ANKS1B: variants seen among roughly 807,000 people sequenced by gnomAD.
ANKS1B encodes the protein ankyrin repeat and sterile alpha motif domain containing 1B, also known as ankyrin repeat and sterile alpha motif domain-containing protein 1B.
Under a neutral mutation model 148.3 loss-of-function variants are expected in ANKS1B, and 36 were observed. The ratio of observed to expected loss-of-function variants is 0.24; its 90% confidence interval spans 0.19 to 0.32. The LOEUF is 0.32. Among genes scored for constraint, ANKS1B ranks in the 10% least tolerant of loss-of-function variants. ANKS1B has a pLI of 1.00. For missense variants in ANKS1B, 1,157 were observed against 1,542.6 expected (o/e 0.75, Z 4.19); for synonymous variants, 542 against 560.8 (o/e 0.97, Z 0.47).
At chr12:99,166,429 T>C (rs1411906620) in intron 14 of ANKS1B, among the ~76,000 whole-genome samples, 1 of 151,828 alleles carries the variant, frequency 6.6e-6, no homozygotes, top group African/African-American at 2.4e-5. Context: ...TTAGCAGAGT[T>C]GCAGGATATA....
intron 9 of ANKS1B, among the ~76,000 whole-genome samples, chr12:99,593,101 G>A (rs988604374): frequency 1.3e-5 from 2 of 152,044 alleles, no homozygotes; most frequent in Non-Finnish European, 2.9e-5. Context: ...TAAAGAGTCT[G>A]TTCTATCAGT....
intron 1 of ANKS1B, among the ~76,000 whole-genome samples, chr12:99,851,330 C>A (rs1414049509): frequency 1.3e-5 from 2 of 152,028 alleles, no homozygotes; most frequent in African/African-American, 4.8e-5. Context: ...CTCCCTCATT[C>A]CCTCCAGTTC....
At chr12:98,840,407 G>A (rs1238114773) in intron 17 of ANKS1B, among the ~76,000 whole-genome samples, 2 of 152,082 alleles carry the variant, frequency 1.3e-5, no homozygotes, top group African/African-American at 2.4e-5. Context: ...AGATGCCACC[G>A]AAATACAACT....
At chr12:98,861,436 G>T (rs2099598795) in intron 17 of ANKS1B, among the ~76,000 whole-genome samples, 1 of 152,178 alleles carries the variant, frequency 6.6e-6, no homozygotes, top group African/African-American at 2.4e-5. Context: ...GCTCCAGATG[G>T]CTCTCCTACT....
intron 17 of ANKS1B, among the ~76,000 whole-genome samples, chr12:98,946,133 C>T (rs1054990166): frequency 6.6e-6 from 1 of 152,280 alleles, no homozygotes; most frequent in East Asian, 1.9e-4. Flanking sequence ...TGGGTTGATT[C>T]GATGCTAGCA....
intron 10 of ANKS1B, among the ~76,000 whole-genome samples, chr12:99,499,955 C>A (rs1485735091): frequency 1.3e-5 from 2 of 150,898 alleles, no homozygotes; most frequent in African/African-American, 4.9e-5. Context: ...CTGGAAGAGC[C>A]CCAAAGCCAG....
chr12:98,928,307 A>G (rs2099810579), intron 17 of ANKS1B, among the ~76,000 whole-genome samples: 1 of 151,658 alleles, frequency 6.6e-6, no homozygotes, highest in Admixed American at 6.6e-5. Flanking sequence ...AAAACTTCCC[A>G]CAAAGAGAAG....
At chr12:98,789,709 G>A (rs1331932111) in intron 22 of ANKS1B, among the ~76,000 whole-genome samples, 1 of 152,110 alleles carries the variant, frequency 6.6e-6, no homozygotes, top group Admixed American at 6.6e-5. Flanking sequence ...CATTTGAAAA[G>A]AATTGGAAAT....
At chr12:99,239,848 T>C (rs2088886552) in intron 14 of ANKS1B, among the ~76,000 whole-genome samples, 1 of 152,068 alleles carries the variant, frequency 6.6e-6, no homozygotes, top group Admixed American at 6.6e-5. Flanking sequence ...AATAAAATCC[T>C]TTACAGACAA....
chr12:99,441,119 T>C (rs1257368293), intron 11 of ANKS1B, among the ~76,000 whole-genome samples: 1 of 151,960 alleles, frequency 6.6e-6, no homozygotes, highest in African/African-American at 2.4e-5. Context: ...TTAATACCCA[T>C]AAATCAATCT....
intron 9 of ANKS1B, among the ~76,000 whole-genome samples, chr12:99,621,461 GAAA>G (rs199847091): frequency 8.9e-6 from 1 of 112,772 alleles, no homozygotes; most frequent in Non-Finnish European, 1.9e-5. Flanking sequence ...AGGCAAATTG[GAAA>G]AAAAAAAAAA....
In ANKS1B at chr12:99,177,231, G is replaced by A. The variant is rs78365807; in HGVS notation, c.2420-22836C>T. 6.9e-3 allele frequency among the ~76,000 whole-genome samples: 1,058 copies of A among 152,242 alleles called. 13 individuals carry two copies. Among genetic ancestry groups the A allele is most frequent in the African/African-American group, 0.024 (976 of 41,532 alleles). ...CATGCCCATACCTCTGTTCCCTGACGCTAGCATGCTGTTTAATAAAGTGTT... is the reference window on the plus strand; with the variant it reads ...CATGCCCATACCTCTGTTCCCTGACACTAGCATGCTGTTTAATAAAGTGTT... On this transcript the variant is annotated intron_variant, in intron 14 of 26. Coordinates refer to ENST00000683438, the MANE Select transcript of ANKS1B (RefSeq NM_001352186.2).
intron 1 of ANKS1B, among the ~76,000 whole-genome samples, chr12:99,841,086 C>T (rs2085664712): frequency 1.3e-5 from 2 of 152,096 alleles, no homozygotes; most frequent in African/African-American, 4.8e-5. Flanking sequence ...GGGAAAATTA[C>T]CTAACTACTC....
In ANKS1B at chr12:99,389,153, A is replaced by ACAAT. The variant is rs374098552; in HGVS notation, c.1756+10474_1756+10477dup. On this transcript the variant is annotated intron_variant, in intron 12 of 26. Coordinates refer to ENST00000683438, the MANE Select transcript of ANKS1B (RefSeq NM_001352186.2). ...CACTAGAGTCTAGGAGAGGCAAGGAACAATCAGTCTATCCAGTAGGTAGAA... is the reference window on the plus strand; with the variant it reads ...CACTAGAGTCTAGGAGAGGCAAGGAACAATCAATCAGTCTATCCAGTAGGTAGAA... Among the ~76,000 whole-genome samples, 590 of 152,326 alleles carry ACAAT rather than the reference A, an allele frequency of 3.9e-3. 2 individuals carry two copies. The highest frequency in any genetic ancestry group is 0.013 in the African/African-American group (561 of 41,578).
intron 9 of ANKS1B, among the ~76,000 whole-genome samples, chr12:99,601,414 T>G (rs2097799001): frequency 6.6e-6 from 1 of 152,106 alleles, no homozygotes; most frequent in African/African-American, 2.4e-5. Context: ...AAAAAACAGA[T>G]GACATTGTAG....
chr12:98,800,204 G>A (rs1414524228), intron 21 of ANKS1B, among the ~76,000 whole-genome samples: 8 of 96,096 alleles, frequency 8.3e-5, no homozygotes, highest in Non-Finnish European at 2.0e-5. Context: ...AAGAGGGGCA[G>A]AAAGCAGAAA....
intron 10 of ANKS1B, among the ~76,000 whole-genome samples, chr12:99,456,360 AG>A (rs1333175050): frequency 1.3e-5 from 2 of 152,190 alleles, no homozygotes; most frequent in Non-Finnish European, 2.9e-5. Context: ...TGACAAAACA[AG>A]GTTCTTTAAC....
At chr12:99,273,093 T>C (rs779457675) in intron 12 of ANKS1B, among the ~76,000 whole-genome samples, 19 of 152,164 alleles carry the variant, frequency 1.2e-4, no homozygotes, top group Admixed American at 3.3e-4. Flanking sequence ...TGAAATCCAG[T>C]TGGGTGCAGA....
At chr12:98,848,990 C>T (rs1461424939) in intron 17 of ANKS1B, among the ~76,000 whole-genome samples, 6 of 151,892 alleles carry the variant, frequency 4.0e-5, no homozygotes, top group African/African-American at 1.5e-4. Context: ...CTGCTCACCT[C>T]GGCCTCCCCA....
Sources: allele counts gnomAD v4.1 joint callset (sites outside exome capture counted in the v4.1 genomes callset), GRCh38; gene constraint gnomAD v4.1.1; transcripts MANE v1.5; gene names NCBI Gene and HGNC (gene_info 2026-07-23, HGNC 2026-07-21).